PTPRD: variants seen among roughly 807,000 people sequenced by gnomAD.
PTPRD encodes receptor-type tyrosine-protein phosphatase delta.
Under a neutral mutation model 214.5 loss-of-function variants are expected in PTPRD, and 34 were observed. That is an observed-to-expected ratio of 0.16 (90% CI 0.12 to 0.21). PTPRD has a LOEUF of 0.21. PTPRD is among the 10% of genes least tolerant of loss of function. The pLI, the probability that PTPRD is intolerant of heterozygous loss-of-function variation, is 1.00. For synonymous variants in PTPRD, 1,128 were observed against 845.7 expected (o/e 1.33, Z -5.79); for missense variants, 2,545 against 2,398.7 (o/e 1.06, Z -1.27).
intron 8 of PTPRD, among the ~76,000 whole-genome samples, chr9:9,469,919 A>G (rs1184646194): frequency 6.6e-6 from 1 of 152,130 alleles, no homozygotes; most frequent in African/African-American, 2.4e-5. Flanking sequence ...TTCTCAGGCT[A>G]TGGGGAACAT....
At chr9:10,198,206 A>G (rs2099405461) in intron 3 of PTPRD, among the ~76,000 whole-genome samples, 1 of 152,152 alleles carries the variant, frequency 6.6e-6, no homozygotes, top group African/African-American at 2.4e-5. Context: ...TGCAAATTAA[A>G]GCTATAAGAA....
intron 2 of PTPRD, among the ~76,000 whole-genome samples, chr9:10,406,937 G>A (rs1038226517): frequency 4.0e-5 from 6 of 151,458 alleles, no homozygotes; most frequent in Non-Finnish European, 7.4e-5. Context: ...AAAATATATG[G>A]TCATCTTCAG....
chr9:10,525,202 A>G (rs1313448644), intron 2 of PTPRD, among the ~76,000 whole-genome samples: 1 of 152,126 alleles, frequency 6.6e-6, no homozygotes, highest in African/African-American at 2.4e-5. Flanking sequence ...GCCATATAAA[A>G]TATGAAATTC....
At chr9:9,603,678 G>C (rs1411665552) in intron 7 of PTPRD, among the ~76,000 whole-genome samples, 1 of 152,098 alleles carries the variant, frequency 6.6e-6, no homozygotes, top group African/African-American at 2.4e-5. Flanking sequence ...TCTAATGCCT[G>C]ATGATTTGAG....
At position 9,134,844 on chromosome 9, in the gene PTPRD, C is replaced by T. The variant is rs114575146; in HGVS notation, c.-143+48460G>A. On this transcript the variant is annotated intron_variant, in intron 10 of 45. Transcript: ENST00000381196. ...GTGTGTTTTCACTCTATATTCCCAG[C>T]CCTTAAAACACTGCCGGGTACATTG... is the stretch of plus-strand genomic sequence containing the variant. 4.8e-3 allele frequency among the ~76,000 whole-genome samples: 726 copies of T among 152,016 alleles called. 7 individuals are homozygous for T. The highest frequency in any genetic ancestry group is 0.017 in the African/African-American group (692 of 41,428).
intron 11 of PTPRD, among the ~76,000 whole-genome samples, chr9:8,923,414 AG>A (rs2154271860): frequency 6.6e-6 from 1 of 152,006 alleles, no homozygotes; most frequent in South Asian, 2.1e-4. Context: ...CATACCAAAA[AG>A]CTACATTCCT....
intron 23 of PTPRD, among the ~76,000 whole-genome samples, chr9:8,502,915 A>C (rs998674047): frequency 6.6e-5 from 10 of 151,704 alleles, no homozygotes; most frequent in African/African-American, 2.4e-4. Flanking sequence ...TGGGAAATAT[A>C]ATATTGAAGC....
chr9:9,243,061 T>G (rs192322839), intron 9 of PTPRD, among the ~76,000 whole-genome samples: 2 of 152,136 alleles, frequency 1.3e-5, no homozygotes, highest in Admixed American at 6.6e-5. Flanking sequence ...CTTTTAACAG[T>G]CAGGACCCTC....
chr9:9,119,900 T>C (rs1569547133), intron 10 of PTPRD, among the ~76,000 whole-genome samples: 1 of 151,960 alleles, frequency 6.6e-6, no homozygotes, highest in Admixed American at 6.6e-5. Context: ...ACTTGGGAGA[T>C]GGACACCCTA....
intron 3 of PTPRD, among the ~76,000 whole-genome samples, chr9:10,261,200 A>C (rs897770181): frequency 6.6e-6 from 1 of 151,492 alleles, no homozygotes; most frequent in Non-Finnish European, 1.5e-5. Flanking sequence ...TGGAGAAAAC[A>C]AAACAAAACA....
chr9:8,648,569 C>T (rs1367582790), intron 12 of PTPRD, among the ~76,000 whole-genome samples: 1 of 152,146 alleles, frequency 6.6e-6, no homozygotes, highest in Non-Finnish European at 1.5e-5. Flanking sequence ...CACATTAAGC[C>T]TCTAGATTTG....
intron 11 of PTPRD, among the ~76,000 whole-genome samples, chr9:8,737,250 T>C (rs1247043153): frequency 2.0e-5 from 3 of 152,202 alleles, no homozygotes; most frequent in Non-Finnish European, 4.4e-5. Context: ...ATATTTATCC[T>C]TAAATGGGTT....
At chr9:9,983,710 C>T (rs1425359903) in intron 4 of PTPRD, among the ~76,000 whole-genome samples, 6 of 152,192 alleles carry the variant, frequency 3.9e-5, no homozygotes, top group African/African-American at 1.4e-4. Flanking sequence ...AACATACTTA[C>T]GTGATTTCAC....
chr9:9,172,126 G>A (rs2099921848), intron 10 of PTPRD, among the ~76,000 whole-genome samples: 1 of 152,064 alleles, frequency 6.6e-6, no homozygotes, highest in Admixed American at 6.6e-5. Context: ...CTCTAAGTGA[G>A]CTAGTTATAA....
In PTPRD at chr9:8,350,627, G is replaced by A. The variant is rs140446049; in HGVS notation, c.4662-8649C>T. Among the ~76,000 whole-genome samples the A allele has an allele frequency of 1.6e-3, 243 of 152,178 alleles. 2 individuals are homozygous for A. The highest frequency in any genetic ancestry group is 6.8e-3 in the Middle Eastern group (2 of 294). On this transcript the variant is annotated intron_variant, in intron 39 of 45. Coordinates refer to ENST00000381196, the MANE Select transcript of PTPRD (RefSeq NM_002839.4). The stretch of plus-strand genomic sequence containing the variant: ...ACATTTAACTTTATAAGCAGATACT[G>A]GGCATCTCTACGATATTTGGGGTTC...
At chr9:10,338,078 T>A (rs1018048477) in intron 3 of PTPRD, among the ~76,000 whole-genome samples, 41 of 151,708 alleles carry the variant, frequency 2.7e-4, no homozygotes, top group African/African-American at 9.4e-4. Flanking sequence ...ATGAGCTTCA[T>A]TCTATTTTGA....
intron 3 of PTPRD, among the ~76,000 whole-genome samples, chr9:10,231,367 G>T (rs2099609081): frequency 6.6e-6 from 1 of 151,900 alleles, no homozygotes; most frequent in African/African-American, 2.4e-5. Flanking sequence ...TGCAGGAAGG[G>T]ATAATATAGG....
chr9:8,718,816 C>T (rs2154415780), intron 12 of PTPRD, among the ~76,000 whole-genome samples: 1 of 152,226 alleles, frequency 6.6e-6, no homozygotes, highest in Admixed American at 6.5e-5. Flanking sequence ...CTTCTCATTC[C>T]CACCTCCCAC....
chr9:9,409,754 G>A (rs541730311), intron 8 of PTPRD, among the ~76,000 whole-genome samples: 1 of 152,108 alleles, frequency 6.6e-6, no homozygotes, highest in African/African-American at 2.4e-5. Flanking sequence ...AGTACCATGG[G>A]AGCAGCTGAT....
Sources: gnomAD v4.1 joint callset for allele counts (sites outside exome capture counted in the v4.1 genomes callset) on GRCh38, gnomAD v4.1.1 for gene constraint, MANE v1.5 for transcripts, NCBI Gene and HGNC (gene_info 2026-07-23, HGNC 2026-07-21) for gene names.